TSHZ3: variants seen among roughly 807,000 people sequenced by gnomAD.
The protein encoded by TSHZ3 is teashirt zinc finger homeobox 3.
Under a neutral mutation model 64.5 loss-of-function variants are expected in TSHZ3, and 10 were observed. The observed-to-expected ratio is 0.16, with a 90% CI of 0.10 to 0.26. The LOEUF (loss-of-function observed/expected upper bound fraction) is 0.26, where lower values mean the gene tolerates loss of function less well. Among genes scored for constraint, TSHZ3 ranks in the 10% least tolerant of loss-of-function variants. TSHZ3 has a pLI of 1.00. For missense variants in TSHZ3, 1,242 were observed against 1,421.7 expected, an observed-to-expected ratio of 0.87 and a Z score of 2.03; for synonymous variants, 608 against 593.1, an observed-to-expected ratio of 1.03 and a Z score of -0.36.
intron 1 of TSHZ3, among the ~76,000 whole-genome samples, chr19:31,315,278 C>A (rs1471926950): frequency 6.6e-6 from 1 of 152,172 alleles, no homozygotes; most frequent in Non-Finnish European, 1.5e-5. Flanking sequence ...ATCAGCCATC[C>A]AATTTACTGA....
chr19:31,273,576 G>A (rs1976175992), downstream of TSHZ3, among the ~76,000 whole-genome samples: 1 of 152,216 alleles, frequency 6.6e-6, no homozygotes, highest in Non-Finnish European at 1.5e-5. Context: ...TCTGTTAGAT[G>A]CAGGACTTTG....
chr19:31,334,792 A>G (rs1009223959), intron 1 of TSHZ3, among the ~76,000 whole-genome samples: 1 of 152,178 alleles, frequency 6.6e-6, no homozygotes, highest in Non-Finnish European at 1.5e-5. Flanking sequence ...CCCTTGAGAC[A>G]TAAGAGACCT....
chr19:31,151,202 G>C (rs1974234044), exon 7 of TSHZ3, among the ~76,000 whole-genome samples: 1 of 152,164 alleles, frequency 6.6e-6, no homozygotes, highest in African/African-American at 2.4e-5. Flanking sequence ...GTAAGTGACG[G>C]GAAAAGGTTG....
chr19:31,173,768 G>T (rs1233237078), intron 5 of TSHZ3, among the ~76,000 whole-genome samples: 2 of 152,304 alleles, frequency 1.3e-5, no homozygotes, highest in African/African-American at 4.8e-5. Flanking sequence ...GAACCAACAG[G>T]ATACATAGAT....
intron 1 of TSHZ3, among the ~76,000 whole-genome samples, chr19:31,293,861 C>T (rs762681306): frequency 2.6e-5 from 4 of 152,128 alleles, no homozygotes; most frequent in Non-Finnish European, 4.4e-5. Flanking sequence ...GTTTGGATGG[C>T]GCTGCTTAGG....
chr19:31,267,647 ATT>A (rs34072601), intron 1 of TSHZ3, among the ~76,000 whole-genome samples: 2 of 148,900 alleles, frequency 1.3e-5, no homozygotes, highest in Admixed American at 6.7e-5. Flanking sequence ...GAATAAGCCC[ATT>A]TTTTTTTTCC....
intron 1 of TSHZ3, among the ~76,000 whole-genome samples, chr19:31,317,468 G>T (rs1420015054): frequency 6.6e-6 from 1 of 152,166 alleles, no homozygotes; most frequent in Non-Finnish European, 1.5e-5. Context: ...AGCTCCCTGT[G>T]ATGTCTCCTG....
intron 5 of TSHZ3, among the ~76,000 whole-genome samples, chr19:31,168,336 T>C (rs1269157901): frequency 6.6e-6 from 1 of 152,170 alleles, no homozygotes; most frequent in East Asian, 1.9e-4. Flanking sequence ...ATATCCTCTT[T>C]TTTGGCAGGC....
At chr19:31,226,795 C>T (rs1222621867) in intron 4 of TSHZ3, among the ~76,000 whole-genome samples, 2 of 151,958 alleles carry the variant, frequency 1.3e-5, no homozygotes, top group African/African-American at 2.4e-5. Context: ...TCACAGCACC[C>T]CTTTCAGACT....
intron 1 of TSHZ3, among the ~76,000 whole-genome samples, chr19:31,303,347 C>T (rs1311737115): frequency 6.6e-6 from 1 of 152,210 alleles, no homozygotes; most frequent in African/African-American, 2.4e-5. Context: ...CGACATTGGT[C>T]GTGCTGCAAC....
chr19:31,178,054 C>T (rs1002810376), intron 5 of TSHZ3, among the ~76,000 whole-genome samples: 2 of 152,220 alleles, frequency 1.3e-5, no homozygotes, highest in African/African-American at 4.8e-5. Context: ...TCAATTTCCT[C>T]ATCATGTCAA....
At chr19:31,336,574 T>TTAA (rs1322251764) in intron 1 of TSHZ3, among the ~76,000 whole-genome samples, 1 of 152,192 alleles carries the variant, frequency 6.6e-6, no homozygotes, top group African/African-American at 2.4e-5. Context: ...AAAATCCGGT[T>TTAA]ATCTAAGGAA....
chr19:31,150,486 C>T (rs1236725382), exon 7 of TSHZ3, among the ~76,000 whole-genome samples: 1 of 152,218 alleles, frequency 6.6e-6, no homozygotes, highest in African/African-American at 2.4e-5. Context: ...GGCCACATCG[C>T]ATGACATGCA....
intron 1 of TSHZ3, among the ~76,000 whole-genome samples, chr19:31,313,951 A>C (rs532477148): frequency 1.3e-5 from 2 of 152,340 alleles, no homozygotes; most frequent in African/African-American, 4.8e-5. Flanking sequence ...TTTCACTTGT[A>C]AATCAGGTAA....
At position 31,277,048 on chromosome 19, in the gene TSHZ3, C is replaced by A. The variant is rs149345032; in HGVS notation, c.2745G>T (p.Arg915=). The part of the protein sequence containing the change: ...ILQAQFAASL[R]QTSEGKYIMS... Reference sequence around the variant, plus strand: ...TGATGTACTTCCCTTCTGAGGTCTGCCGGAGGCTGGCGGCAAACTGGGCCT... The same window carrying A: ...TGATGTACTTCCCTTCTGAGGTCTGACGGAGGCTGGCGGCAAACTGGGCCT... Residue 915 remains arginine (R), a synonymous_variant, in exon 2 of 2, where the codon CGG becomes CGT. Coordinates refer to ENST00000240587, the MANE Select transcript of TSHZ3 (RefSeq NM_020856.4). This position sits in a 1 kb window ranked among gnomAD's most constrained non-coding sequence, Gnocchi z 4.5. The A allele has an allele frequency of 3.1e-6, 5 of 1,609,274 alleles. No homozygotes were observed. The highest frequency in any genetic ancestry group is 4.2e-6 in the Non-Finnish European group (5 of 1,176,956).
At chr19:31,324,979 T>C (rs1157192768) in intron 1 of TSHZ3, among the ~76,000 whole-genome samples, 3 of 152,238 alleles carry the variant, frequency 2.0e-5, no homozygotes, top group Admixed American at 1.3e-4. Context: ...CAAAATTAAG[T>C]CACTGTTTCA....
At chr19:31,158,573 G>A (rs1176716514) in intron 5 of TSHZ3, among the ~76,000 whole-genome samples, 1 of 152,122 alleles carries the variant, frequency 6.6e-6, no homozygotes, top group African/African-American at 2.4e-5. Context: ...AGGTTTCCAC[G>A]AGCCAGAGTT....
Position 31,275,440 on chromosome 19 carries a change from T to G in TSHZ3, c.*1107A>C, listed in dbSNP as rs142999976. The G allele has an allele frequency of 7.6e-3, 1,162 of 152,512 alleles. 4 individuals carry two copies. The highest frequency in any genetic ancestry group is 9.4e-3 in the Non-Finnish European group (642 of 67,986). 9.4% of individuals were successfully genotyped at this position (152,512 alleles called of 1,614,324 possible). ...ATACAGTACAAGTTCTTTTTTTTTT[T>G]TTGTTCTTTTTTTTAACCTTTTCAA... On this transcript the variant is annotated 3_prime_UTR_variant, in exon 2 of 2. Coordinates refer to ENST00000240587, the MANE Select transcript of TSHZ3 (RefSeq NM_020856.4).
At chr19:31,335,022 G>A (rs1917203773) in intron 1 of TSHZ3, among the ~76,000 whole-genome samples, 1 of 152,104 alleles carries the variant, frequency 6.6e-6, no homozygotes, top group Non-Finnish European at 1.5e-5. Context: ...CCTGACCAGG[G>A]CTCCAGGAAA....
Sources: gnomAD v4.1 joint callset for allele counts (sites outside exome capture counted in the v4.1 genomes callset) on GRCh38, gnomAD v4.1.1 for gene constraint, Gnocchi (gnomAD v3.1) non-coding constraint, MANE v1.5 for transcripts, NCBI Gene and HGNC (gene_info 2026-07-23, HGNC 2026-07-21) for gene names.